The following PSMF1 variants were observed in gnomAD, a reference collection of about 807,000 sequenced individuals.
The protein encoded by PSMF1 is proteasome inhibitor subunit 1.
Under a neutral mutation model 29.3 loss-of-function variants are expected in PSMF1, and 30 were observed. The observed-to-expected ratio is 1.02, with a 90% CI of 0.77 to 1.39. PSMF1 has a LOEUF of 1.39. PSMF1 is among the 40% of genes most tolerant of loss of function. PSMF1 has a pLI of 0.00. For missense variants in PSMF1, 344 were observed against 357.5 expected, an observed-to-expected ratio of 0.96 and a Z score of 0.31; for synonymous variants, 134 against 139.7, an observed-to-expected ratio of 0.96 and a Z score of 0.29.
At chr20:1,116,190 T>C (rs1037224502), upstream of PSMF1, among the ~76,000 whole-genome samples, 4 of 152,184 alleles carry the variant, frequency 2.6e-5, no homozygotes, top group Admixed American at 2.6e-4. Flanking sequence ...GCCCAGCCTA[T>C]GAAAGTTTAT....
intron 4 of PSMF1, 80 bp downstream of exon 4, chr20:1,135,386 C>G (rs1470894354): frequency 7.1e-7 from 1 of 1,400,968 alleles, no homozygotes; most frequent in South Asian, 1.4e-5. Flanking sequence ...GCCACTTGAC[C>G]CCATCCCTGG....
chr20:1,124,041 C>T (rs1315144448), intron 1 of PSMF1, among the ~76,000 whole-genome samples: 1 of 152,196 alleles, frequency 6.6e-6, no homozygotes, highest in Non-Finnish European at 1.5e-5. Flanking sequence ...TCCAGGCATT[C>T]CCTTTATGTA....
chr20:1,137,043 T>C (rs1184460131), intron 4 of PSMF1, among the ~76,000 whole-genome samples: 1 of 152,206 alleles, frequency 6.6e-6, no homozygotes, highest in Non-Finnish European at 1.5e-5. Flanking sequence ...CATTCTTCAT[T>C]TCGTGAAACT....
intron 1 of PSMF1, among the ~76,000 whole-genome samples, chr20:1,124,513 T>C (rs2086128852): frequency 1.3e-5 from 2 of 151,660 alleles, no homozygotes; most frequent in South Asian, 4.2e-4. Context: ...TGACTTTATC[T>C]TATAAATTAA....
chr20:1,117,118 A>T (rs1232380873), upstream of PSMF1, among the ~76,000 whole-genome samples: 1 of 152,160 alleles, frequency 6.6e-6, no homozygotes, highest in East Asian at 1.9e-4. Flanking sequence ...CTGTTGGACC[A>T]GATGTAGATG....
intron 2 of PSMF1, chr20:1,127,222 G>A (rs2086169584): frequency 1.4e-6 from 1 of 739,058 alleles, no homozygotes; most frequent in African/African-American, 1.7e-5. Flanking sequence ...AGGTGTTTTA[G>A]TCTCTGCCTT....
At chr20:1,157,148 T>C (rs57522549) in intron 4 of PSMF1, among the ~76,000 whole-genome samples, 1,767 of 152,270 alleles carry the variant, frequency 0.012, 33 homozygotes, top group African/African-American at 0.041. Context: ...GTCCTTTTCA[T>C]GTTTTTCTGC....
At chr20:1,145,013 G>A (rs1255347302) in intron 4 of PSMF1, among the ~76,000 whole-genome samples, 1 of 152,080 alleles carries the variant, frequency 6.6e-6, no homozygotes, top group Non-Finnish European at 1.5e-5. Context: ...AGCTTTCTGA[G>A]TAGCTGGGAT....
upstream of PSMF1, among the ~76,000 whole-genome samples, chr20:1,117,534 G>C (rs973417766): frequency 6.6e-6 from 1 of 152,134 alleles, no homozygotes; most frequent in African/African-American, 2.4e-5. Context: ...AGTAGAGACA[G>C]GGTTTCACCA....
At chr20:1,116,279 G>A (rs2086011441), upstream of PSMF1, among the ~76,000 whole-genome samples, 1 of 151,586 alleles carries the variant, frequency 6.6e-6, no homozygotes, top group South Asian at 2.1e-4. Flanking sequence ...AGCAAAAGCA[G>A]GGAAGACTGA....
intron 1 of PSMF1, among the ~76,000 whole-genome samples, chr20:1,123,773 G>A (rs1368326274): frequency 2.0e-5 from 3 of 152,202 alleles, no homozygotes; most frequent in Non-Finnish European, 2.9e-5. Context: ...ATTGCTCCCC[G>A]AAGGGGCTGT....
At chr20:1,115,502 T>C (rs112847512), upstream of PSMF1, among the ~76,000 whole-genome samples, 335 of 152,344 alleles carry the variant, frequency 2.2e-3, no homozygotes, top group Non-Finnish European at 3.9e-3. Flanking sequence ...ACTTCATTGA[T>C]AAAATTCTCC....
Position 1,147,179 on chromosome 20 carries a change from C to CATCAT in PSMF1, c.551+11873_551+11874insATCAT, listed in dbSNP as rs869221637. ...ATCATCATCATCATCATCATCATCACCACCCTGTGTTGAGGACAGAAGTAA... is the reference window on the plus strand; with the variant it reads ...ATCATCATCATCATCATCATCATCACATCATCACCCTGTGTTGAGGACAGAAGTAA... On this transcript the variant is annotated intron_variant, in intron 4 of 6. Coordinates refer to ENST00000335877, the MANE Select transcript of PSMF1 (RefSeq NM_006814.5). Among the ~76,000 whole-genome samples the CATCAT allele has an allele frequency of 2.8e-3, 347 of 126,160 alleles. 2 individuals are homozygous for CATCAT. The highest frequency in any genetic ancestry group is 0.011 in the East Asian group (52 of 4,904). The allele number at this position is 126,160 out of a possible 152,430, so 82.8% of individuals were successfully genotyped here. A position where few individuals can be genotyped will look rare whatever the true frequency, so the allele number is the denominator to read the frequency against.
intron 1 of PSMF1, 107 bp downstream of exon 1, chr20:1,119,009 C>T (rs1199596402): frequency 6.8e-7 from 1 of 1,462,780 alleles, no homozygotes. Flanking sequence ...TCTCCCAGTG[C>T]AGGGTCTGGG....
rs1216258722 is a variant in PSMF1 at position 1,166,916 on chromosome 20, G to A, written c.*1836G>A. On this transcript the variant is annotated 3_prime_UTR_variant, in exon 7 of 7. Coordinates refer to ENST00000335877, the MANE Select transcript of PSMF1 (RefSeq NM_006814.5). ...GAGACCATCAGATAGAAGCAGGGAA[G>A]GTAGATAACTTTTAGGACCTTGATG... The A allele has an allele frequency of 1.3e-5, 2 of 152,126 alleles. No homozygotes were observed. The highest frequency in any genetic ancestry group is 2.9e-5 in the Non-Finnish European group (2 of 68,018). 9.4% of individuals were successfully genotyped at this position (152,126 alleles called of 1,614,324 possible).
chr20:1,140,288 A>G (rs1211507629), intron 4 of PSMF1, among the ~76,000 whole-genome samples: 1 of 152,236 alleles, frequency 6.6e-6, no homozygotes. Context: ...GAGAGTCTAG[A>G]AATTAACCCA....
At chr20:1,119,016 T>C (rs1419893721) in intron 1 of PSMF1, 114 bp downstream of exon 1, 5 of 1,406,692 alleles carry the variant, frequency 3.6e-6, no homozygotes, top group Non-Finnish European at 4.8e-6. Flanking sequence ...GTGCAGGGTC[T>C]GGGGCAGATG....
chr20:1,131,715 T>A (rs1278310724), intron 3 of PSMF1, among the ~76,000 whole-genome samples: 1 of 152,256 alleles, frequency 6.6e-6, no homozygotes, highest in African/African-American at 2.4e-5. Flanking sequence ...CTAAGAAATA[T>A]AAACCTATTG....
At position 1,164,062 on chromosome 20, in the gene PSMF1, A is replaced by AC. The variant is rs1489027605; in HGVS notation, c.606-255dup. 6.6e-6 allele frequency among the ~76,000 whole-genome samples: 1 copy of AC among 152,180 alleles called. No individual in the cohort carries two copies. Among genetic ancestry groups the AC allele is most frequent in the African/African-American group, 2.4e-5 (1 of 41,450 alleles). ...AGGGATCTCAATTTTGAGGAGCCCTACAGAACCAAAAGCACTGTGCAGAAC... is the reference window on the plus strand; with the variant it reads ...AGGGATCTCAATTTTGAGGAGCCCTACCAGAACCAAAAGCACTGTGCAGAAC... On this transcript the variant is annotated intron_variant, in intron 5 of 6. Coordinates refer to ENST00000335877, the MANE Select transcript of PSMF1 (RefSeq NM_006814.5). This position sits in a 1 kb window ranked among gnomAD's most constrained non-coding sequence, Gnocchi z 4.1.
Sources: allele counts gnomAD v4.1 joint callset (sites outside exome capture counted in the v4.1 genomes callset), GRCh38; gene constraint gnomAD v4.1.1; non-coding constraint Gnocchi (gnomAD v3.1); transcripts MANE v1.5; gene names NCBI Gene and HGNC (gene_info 2026-07-23, HGNC 2026-07-21).